Variants in CSMD1 observed in about 807,000 individuals in gnomAD.
The protein encoded by CSMD1 is CUB and sushi domain-containing protein 1.
In CSMD1, 213 loss-of-function variants were observed where a neutral mutation model predicts 417.5. The observed-to-expected ratio is 0.51, with a 90% CI of 0.46 to 0.57. The LOEUF (loss-of-function observed/expected upper bound fraction) is 0.57. CSMD1 is among the 20% of genes least tolerant of loss of function. The pLI, the probability that CSMD1 is intolerant of heterozygous loss-of-function variation, is 0.00. For synonymous variants in CSMD1, 2,862 were observed against 1,736.8 expected (o/e 1.65, Z -16.11); for missense variants, 6,923 against 4,529.7 (o/e 1.53, Z -15.17).
chr8:2,992,202 T>TGAAC (rs1563213964), intron 54 of CSMD1, among the ~76,000 whole-genome samples: 1 of 89,630 alleles, frequency 1.1e-5, no homozygotes, highest in Non-Finnish European at 2.0e-5. Flanking sequence ...CACACATACA[T>TGAAC]ACACACATGC....
chr8:4,928,672 T>C (rs1002946936), intron 1 of CSMD1, among the ~76,000 whole-genome samples: 1 of 152,182 alleles, frequency 6.6e-6, no homozygotes, highest in Non-Finnish European at 1.5e-5. Flanking sequence ...AGGGTTTTAA[T>C]TCAGCTGAAT....
rs373842688 is a variant in CSMD1 at position 3,448,707 on chromosome 8, G to A, written c.1561+20005C>T. ...ACCTTCAGGAACTGCAGCATCGAGA[G>A]TCCTCTAGGCTGAGCTCACTCCTGC... On this transcript the variant is annotated intron_variant, in intron 12 of 69. Transcript: ENST00000635120. 1.3e-4 allele frequency among the ~76,000 whole-genome samples: 20 copies of A among 152,214 alleles called. No individual in the cohort carries two copies. The East Asian group carries it at 3.1e-3, about 24-fold the overall frequency.
At chr8:4,909,253 C>G (rs890158978) in intron 1 of CSMD1, among the ~76,000 whole-genome samples, 3 of 152,114 alleles carry the variant, frequency 2.0e-5, no homozygotes, top group African/African-American at 7.2e-5. Flanking sequence ...TTCCTACTAG[C>G]TGTGAGTCTT....
rs545907681 is a variant in CSMD1, at chr8:4,684,526, C to CA, written c.86-46969dup. 2.6e-3 allele frequency among the ~76,000 whole-genome samples: 393 copies of CA among 152,092 alleles called. 5 individuals are homozygous for CA. Among genetic ancestry groups the CA allele is most frequent in the African/African-American group, 9.2e-3 (380 of 41,512 alleles). On this transcript the variant is annotated intron_variant, in intron 1 of 69. Coordinates refer to ENST00000635120, the MANE Select transcript of CSMD1 (RefSeq NM_033225.6). ...TTACTTTCAAATAAATCTCTGTTTT[C>CA]AAAAAAACATAGAGATTTTCAAATC...
intron 5 of CSMD1, among the ~76,000 whole-genome samples, chr8:3,829,543 G>A (rs1802250015): frequency 6.6e-6 from 1 of 152,084 alleles, no homozygotes; most frequent in African/African-American, 2.4e-5. Context: ...CATGAGTTTG[G>A]GAGAGTTGCT....
At chr8:4,311,669 G>A (rs1449505381) in intron 3 of CSMD1, among the ~76,000 whole-genome samples, 1 of 148,858 alleles carries the variant, frequency 6.7e-6, no homozygotes, top group East Asian at 2.1e-4. Context: ...GCTGCAGTGA[G>A]CCGAGATTGT....
intron 3 of CSMD1, among the ~76,000 whole-genome samples, chr8:4,207,559 T>A (rs999332352): frequency 6.6e-6 from 1 of 152,270 alleles, no homozygotes; most frequent in African/African-American, 2.4e-5. Context: ...GAAAATAATG[T>A]TAAGAAAATG....
intron 3 of CSMD1, among the ~76,000 whole-genome samples, chr8:4,235,603 T>G (rs1261414625): frequency 6.6e-6 from 1 of 152,184 alleles, no homozygotes; most frequent in East Asian, 1.9e-4. Flanking sequence ...CTCTCAGGGA[T>G]CTCATGACAC....
At chr8:3,200,312 T>A (rs561683085) in intron 32 of CSMD1, among the ~76,000 whole-genome samples, 2 of 152,014 alleles carry the variant, frequency 1.3e-5, no homozygotes, top group African/African-American at 4.8e-5. Context: ...CCCAGCATTT[T>A]GGGAGGCTGA....
intron 23 of CSMD1, among the ~76,000 whole-genome samples, chr8:3,333,257 C>T (rs555140081): frequency 6.6e-6 from 1 of 152,110 alleles, no homozygotes; most frequent in African/African-American, 2.4e-5. Context: ...CGTGTCTGGG[C>T]TCCTGACCCA....
chr8:3,856,437 G>A (rs541116516), intron 5 of CSMD1, among the ~76,000 whole-genome samples: 2 of 152,232 alleles, frequency 1.3e-5, no homozygotes, highest in Admixed American at 6.5e-5. Flanking sequence ...TGCAAGAACA[G>A]ACGAATACAT....
chr8:3,129,825 C>T (rs577775752), intron 41 of CSMD1, among the ~76,000 whole-genome samples: 4 of 152,068 alleles, frequency 2.6e-5, no homozygotes, highest in African/African-American at 4.8e-5. Flanking sequence ...CCTGTCTCTA[C>T]TAAAAATACA....
intron 7 of CSMD1, among the ~76,000 whole-genome samples, chr8:3,677,565 G>C (rs1338156410): frequency 6.6e-6 from 1 of 152,130 alleles, no homozygotes; most frequent in Non-Finnish European, 1.5e-5. Context: ...AGAAGGGTTT[G>C]GAGATGTCTT....
chr8:3,494,592 A>ATAGT (rs1563092112), intron 10 of CSMD1, among the ~76,000 whole-genome samples: 1 of 151,652 alleles, frequency 6.6e-6, no homozygotes, highest in East Asian at 1.9e-4. Flanking sequence ...AGATAGATAG[A>ATAGT]TAGATAGATA....
In CSMD1 at chr8:3,189,021, A is replaced by C. The variant is rs1465511443; in HGVS notation, c.5399-10T>G. The stretch of plus-strand genomic sequence containing the variant: ...TTGCCACTGCAGGGTACTAAAAGAC[A>C]CAACCATATGTCATGAAATAAAGTG... On this transcript the variant is annotated splice_polypyrimidine_tract_variant and intron_variant, in intron 34 of 69. Transcript: ENST00000635120. The C allele has an allele frequency of 1.2e-6, 2 of 1,609,126 alleles. No individual in the cohort carries two copies. The highest frequency in any genetic ancestry group is 1.7e-6 in the Non-Finnish European group (2 of 1,177,174).
chr8:4,953,235 T>G (rs1286881830), intron 1 of CSMD1, among the ~76,000 whole-genome samples: 1 of 152,130 alleles, frequency 6.6e-6, no homozygotes, highest in African/African-American at 2.4e-5. Flanking sequence ...TGCTGAAAAT[T>G]TTCCAGCCTT....
At chr8:2,953,522 C>T (rs1011994353) in intron 65 of CSMD1, among the ~76,000 whole-genome samples, 2 of 149,604 alleles carry the variant, frequency 1.3e-5, no homozygotes, top group South Asian at 4.2e-4. Flanking sequence ...TATATATTTA[C>T]AAAGGATTTC....
intron 49 of CSMD1, among the ~76,000 whole-genome samples, chr8:3,065,780 C>A (rs958848922): frequency 3.9e-5 from 6 of 152,118 alleles, no homozygotes; most frequent in Admixed American, 3.9e-4. Context: ...TAGGCATAAA[C>A]TAAAATGCAT....
At chr8:4,214,881 T>C (rs762744255) in intron 3 of CSMD1, among the ~76,000 whole-genome samples, 36 of 152,008 alleles carry the variant, frequency 2.4e-4, no homozygotes, top group South Asian at 2.1e-4. Flanking sequence ...TTTAAAAAAA[T>C]GTATATTCTT....
Sources: allele counts gnomAD v4.1 joint callset (sites outside exome capture counted in the v4.1 genomes callset), GRCh38; gene constraint gnomAD v4.1.1; transcripts MANE v1.5; gene names NCBI Gene and HGNC (gene_info 2026-07-23, HGNC 2026-07-21).